COL5A1: variants seen among roughly 807,000 people sequenced by gnomAD.
COL5A1 encodes collagen alpha-1(V) chain.
A neutral mutation model predicts 263.7 loss-of-function variants in COL5A1; 16 were observed. The ratio of observed to expected loss-of-function variants is 0.06; its 90% confidence interval spans 0.04 to 0.09. COL5A1 has a LOEUF of 0.09. Among genes scored for constraint, COL5A1 ranks in the 10% least tolerant of loss-of-function variants. The pLI is 1.00. For synonymous variants in COL5A1, 1,012 were observed against 1,004.5 expected, an observed-to-expected ratio of 1.01 and a Z score of -0.14; for missense variants, 2,036 against 2,540.5, an observed-to-expected ratio of 0.80 and a Z score of 4.27.
intron 27 of COL5A1, among the ~76,000 whole-genome samples, chr9:134,778,531 G>A (rs1377096632): frequency 2.0e-5 from 3 of 152,194 alleles, no homozygotes; most frequent in South Asian, 2.1e-4. Flanking sequence ...GTTTGGAGTC[G>A]GCCTCCCTGC....
rs1361270642 is a variant in COL5A1, at chr9:134,821,316, G to C, written c.4555-781G>C. 6.6e-6 allele frequency among the ~76,000 whole-genome samples: 1 copy of C among 152,186 alleles called. No individual in the cohort carries two copies. The highest frequency in any genetic ancestry group is 2.4e-5 in the African/African-American group (1 of 41,438). On this transcript the variant is annotated intron_variant, in intron 58 of 65. Transcript: ENST00000371817. This position sits in a 1 kb window ranked among gnomAD's most constrained non-coding sequence, Gnocchi z 4.2. Reference sequence around the variant, plus strand: ...GCTGATGAAGGTGTCGGGTTGGTGTGCAGGCTTGGGTAGTTGTGGGGTCCT... The same window carrying C: ...GCTGATGAAGGTGTCGGGTTGGTGTCCAGGCTTGGGTAGTTGTGGGGTCCT...
At chr9:134,690,814 G>T in intron 1 of COL5A1, 98 bp from the exon 2 acceptor site, 1 of 1,419,842 alleles carries the variant, frequency 7.0e-7, no homozygotes. Context: ...ATTCACAGTG[G>T]TGGGGGTGGG....
intron 32 of COL5A1, among the ~76,000 whole-genome samples, chr9:134,793,387 G>C (rs1052000684): frequency 2.7e-5 from 4 of 150,086 alleles, no homozygotes; most frequent in South Asian, 2.1e-4. Flanking sequence ...AGGAGGCTGG[G>C]GGGGGCATTC....
At position 134,752,643 on chromosome 9, in the gene COL5A1, G is replaced by A. The variant is rs1304946894; in HGVS notation, c.1717G>A (p.Val573Met). The change falls in exon 14 of 66, where the codon GTG (valine) becomes ATG (methionine). Residue 573 changes from valine (V) to methionine (M), a missense_variant and splice_region_variant. This residue lies in a region of COL5A1 where 1,078 missense variants were observed against 1,521.4 expected (regional missense o/e 0.71). Transcript: ENST00000371817. ...PMGLTGRPGPVGPPGSGGLKG... is the reference protein window; with the variant it reads ...PMGLTGRPGPMGPPGSGGLKG... ...GGGTCTCACAGGGAGACCTGGCCCTGTGGTAAGTCATTGGCAAATCTGAGA... is the reference window on the plus strand; with the variant it reads ...GGGTCTCACAGGGAGACCTGGCCCTATGGTAAGTCATTGGCAAATCTGAGA... 5.0e-6 allele frequency: 8 copies of A among 1,612,262 alleles called. No individual in the cohort carries two copies. The Admixed American group carries it at 1.0e-4, about 20-fold the overall frequency.
At chr9:134,812,539 A>G (rs144860444) in intron 47 of COL5A1, 37 bp downstream of exon 47, 248 of 1,612,948 alleles carry the variant, frequency 1.5e-4, no homozygotes, top group Middle Eastern at 3.3e-4. Flanking sequence ...TTGCCGTACT[A>G]GCGGCTCATG....
intron 20 of COL5A1, 137 bp downstream of exon 20, chr9:134,763,874 G>A: frequency 2.3e-6 from 2 of 857,488 alleles, no homozygotes; most frequent in South Asian, 1.7e-5. Context: ...AGACGGACCT[G>A]GGCATCTCCC....
At chr9:134,760,064 ACT>A (rs565826759) in intron 18 of COL5A1, among the ~76,000 whole-genome samples, 9 of 100,892 alleles carry the variant, frequency 8.9e-5, no homozygotes, top group Non-Finnish European at 1.2e-4. Context: ...ACACCCCCAC[ACT>A]CATACATGCA....
At chr9:134,738,313 C>A (rs1375441567) in intron 9 of COL5A1, among the ~76,000 whole-genome samples, 161 bp from the exon 10 acceptor site, 8 of 152,230 alleles carry the variant, frequency 5.3e-5, no homozygotes, top group African/African-American at 1.2e-4. Flanking sequence ...TGAGGCCCCA[C>A]CACAGGCCCC....
At chr9:134,729,071 G>A (rs758615262) in intron 6 of COL5A1, among the ~76,000 whole-genome samples, 3 of 152,218 alleles carry the variant, frequency 2.0e-5, no homozygotes, top group East Asian at 1.9e-4. Flanking sequence ...CCCTGGCCCC[G>A]GTCCCCACCC....
intron 64 of COL5A1, among the ~76,000 whole-genome samples, chr9:134,834,088 C>T (rs369009438): frequency 2.0e-5 from 3 of 152,120 alleles, no homozygotes; most frequent in African/African-American, 7.2e-5. Context: ...AGGAGGACAC[C>T]TGCTGTCCAG....
Position 134,642,176 on chromosome 9 carries a change from C to T in COL5A1, c.-12C>T. The T allele has an allele frequency of 3.2e-6, 4 of 1,254,750 alleles. No individual in the cohort carries two copies. Among genetic ancestry groups the T allele is most frequent in the African/African-American group, 1.6e-5 (1 of 64,200 alleles). 77.7% of individuals were successfully genotyped at this position (1,254,750 alleles called of 1,614,324 possible). On this transcript the variant is annotated 5_prime_UTR_variant, in exon 1 of 66. Coordinates refer to ENST00000371817, the MANE Select transcript of COL5A1 (RefSeq NM_000093.5). The surrounding 1 kb of genome is among the most constrained non-coding windows in gnomAD (Gnocchi z 4.5). Reference sequence around the variant, plus strand: ...GAGCGCCCCTGTGCGCCCCGGCCCGCGCCCCGCCGGCATGGACGTCCATAC... The same window carrying T: ...GAGCGCCCCTGTGCGCCCCGGCCCGTGCCCCGCCGGCATGGACGTCCATAC...
chr9:134,648,106 A>G (rs1158866637), intron 1 of COL5A1, among the ~76,000 whole-genome samples: 1 of 151,744 alleles, frequency 6.6e-6, no homozygotes, highest in Non-Finnish European at 1.5e-5. Context: ...ACATGAAGAG[A>G]CGAGACTGGC....
intron 1 of COL5A1, among the ~76,000 whole-genome samples, chr9:134,667,977 T>C (rs1447208868): frequency 6.6e-6 from 1 of 152,184 alleles, no homozygotes; most frequent in African/African-American, 2.4e-5. Context: ...AACACAGAGC[T>C]GTGAGGGGTG....
At chr9:134,835,897 C>T (rs902975491) in intron 65 of COL5A1, among the ~76,000 whole-genome samples, 5 of 152,200 alleles carry the variant, frequency 3.3e-5, no homozygotes, top group Admixed American at 6.5e-5. Flanking sequence ...GATGTGCCCG[C>T]GTGTCCTGGA....
intron 37 of COL5A1, among the ~76,000 whole-genome samples, chr9:134,800,750 A>T (rs1208020069): frequency 3.1e-5 from 1 of 32,316 alleles, no homozygotes; most frequent in Non-Finnish European, 5.4e-5. Flanking sequence ...TGTCTCAAAC[A>T]AAAAAAAAAA....
chr9:134,792,813 G>A (rs1837750101), intron 32 of COL5A1, among the ~76,000 whole-genome samples: 1 of 133,982 alleles, frequency 7.5e-6, no homozygotes, highest in African/African-American at 2.8e-5. Context: ...GCGTGCATGT[G>A]TGTGCATGTG....
chr9:134,692,965 C>T (rs550377018), intron 2 of COL5A1, among the ~76,000 whole-genome samples: 13 of 151,966 alleles, frequency 8.6e-5, no homozygotes, highest in African/African-American at 2.4e-4. Context: ...CCCAGCTATT[C>T]GGGAGGCTGA....
chr9:134,700,680 C>T lies in COL5A1; in HGVS notation c.492-491C>T, dbSNP rs144499043. The stretch of plus-strand genomic sequence containing the variant: ...CCAAGACTTTCAGACAGATCCACTC[C>T]TTCCACCATTTCCCGTCCACACCCG... On this transcript the variant is annotated intron_variant, in intron 3 of 65. Transcript: ENST00000371817. The surrounding 1 kb of genome is among the most constrained non-coding windows in gnomAD (Gnocchi z 4.0). 2.8e-3 allele frequency among the ~76,000 whole-genome samples: 420 copies of T among 152,352 alleles called. No homozygotes were observed. The highest frequency in any genetic ancestry group is 9.6e-3 in the African/African-American group (400 of 41,578).
chr9:134,768,859 G>A (rs1836773974), intron 25 of COL5A1, among the ~76,000 whole-genome samples: 1 of 152,228 alleles, frequency 6.6e-6, no homozygotes, highest in Non-Finnish European at 1.5e-5. Flanking sequence ...ACACTGAGAA[G>A]GGAGGTGGTG....
Sources: gnomAD v4.1 joint callset for allele counts (sites outside exome capture counted in the v4.1 genomes callset) on GRCh38, gnomAD v4.1.1 for gene constraint, gnomAD v4.1.1 regional missense constraint, Gnocchi (gnomAD v3.1) non-coding constraint, MANE v1.5 for transcripts, NCBI Gene and HGNC (gene_info 2026-07-23, HGNC 2026-07-21) for gene names.